Variants in ALKBH1 observed in about 807,000 individuals in gnomAD.
The protein encoded by ALKBH1 is alkB homolog 1, histone H2A dioxygenase, also known as nucleic acid dioxygenase ALKBH1.
Under a neutral mutation model 36.6 loss-of-function variants are expected in ALKBH1, and 31 were observed. The ratio of observed to expected loss-of-function variants is 0.85; its 90% CI spans 0.64 to 1.14. The LOEUF is 1.14. Among genes scored for constraint, ALKBH1 ranks in the 50% most tolerant of loss-of-function variants. The probability of loss-of-function intolerance (pLI) is 0.00; values close to 1 mark genes in which losing one functional copy is unlikely to be tolerated. For missense variants in ALKBH1, 490 were observed against 497.3 expected (o/e 0.99, Z 0.14); for synonymous variants, 183 against 186.6 (o/e 0.98, Z 0.16).
At chr14:77,701,175 T>C (rs1465105421) in intron 2 of ALKBH1, among the ~76,000 whole-genome samples, 1 of 152,114 alleles carries the variant, frequency 6.6e-6, no homozygotes, top group Non-Finnish European at 1.5e-5. Context: ...TCTCTATAAT[T>C]TTCAGTCATT....
intron 2 of ALKBH1, among the ~76,000 whole-genome samples, chr14:77,702,050 G>A (rs888452878): frequency 6.6e-6 from 1 of 152,200 alleles, no homozygotes; most frequent in Admixed American, 6.5e-5. Context: ...TGTAATCCCA[G>A]CACTCTGGGA....
At chr14:77,680,130 C>G (rs1410183137) in intron 3 of ALKBH1, among the ~76,000 whole-genome samples, 160 bp from the exon 4 acceptor site, 1 of 152,214 alleles carries the variant, frequency 6.6e-6, no homozygotes, top group Non-Finnish European at 1.5e-5. Flanking sequence ...ACCACAGATA[C>G]ATTAACAGAG....
chr14:77,706,641 T>C (rs1207562842), intron 1 of ALKBH1, among the ~76,000 whole-genome samples: 1 of 152,212 alleles, frequency 6.6e-6, no homozygotes, highest in East Asian at 1.9e-4. Flanking sequence ...ACATAATGGC[T>C]CATTCCCTGA....
intron 5 of ALKBH1, 117 bp downstream of exon 5, chr14:77,675,539 T>C (rs1595046148): frequency 1.2e-6 from 1 of 815,570 alleles, no homozygotes; most frequent in African/African-American, 1.7e-5. Flanking sequence ...AAGTGGAAGA[T>C]TATAGAGTCC....
rs560551732 is a variant in ALKBH1, at chr14:77,707,909, C to G, written c.96G>C (p.Gln32His). 15 of 1,613,452 alleles carry G rather than the reference C, an allele frequency of 9.3e-6. No homozygotes were observed. The highest frequency in any genetic ancestry group is 2.2e-5 in the South Asian group (2 of 91,072). ...AFRKLFRFYR[Q>H]SRPGTADLEG... ...CCAGGTCTGCGGTCCCGGGCCGGCT[C>G]TGACGGTAGAAGCGGAAAAGTTTCC... Residue 32 changes from glutamine (Q) to histidine (H), a missense_variant, in exon 1 of 6, where the codon CAG (glutamine) becomes CAC (histidine). By Grantham distance (24) the Gln-to-His change is conservative (BLOSUM62 0). Transcript: ENST00000216489.
intron 3 of ALKBH1, among the ~76,000 whole-genome samples, chr14:77,681,991 T>C (rs1007021646): frequency 5.9e-5 from 9 of 152,204 alleles, no homozygotes; most frequent in Admixed American, 1.3e-4. Context: ...CTTTGTATGC[T>C]TTCACTGTGA....
At chr14:77,686,278 G>A (rs917016225) in intron 3 of ALKBH1, among the ~76,000 whole-genome samples, 2 of 152,194 alleles carry the variant, frequency 1.3e-5, no homozygotes, top group Non-Finnish European at 2.9e-5. Context: ...AATCACTGAA[G>A]GGGGTGGGTT....
chr14:77,700,323 T>G (rs114744416), intron 2 of ALKBH1, among the ~76,000 whole-genome samples: 6 of 152,212 alleles, frequency 3.9e-5, no homozygotes, highest in Non-Finnish European at 7.3e-5. Context: ...CTTAGAGATA[T>G]TCAATGTGGA....
At chr14:77,675,923 C>A in intron 4 of ALKBH1, 74 bp from the exon 5 acceptor site, 1 of 1,208,328 alleles carries the variant, frequency 8.3e-7, no homozygotes. Flanking sequence ...AGATTAATTA[C>A]CACTTTAAAA....
At position 77,703,593 on chromosome 14, in the gene ALKBH1, CTTTTTTTTTTTTT is replaced by C. The variant is rs200488919; in HGVS notation, c.292+763_292+775del. Among the ~76,000 whole-genome samples the C allele has an allele frequency of 6.2e-5, 7 of 112,898 alleles. No individual in the cohort carries two copies. The South Asian group carries it at 2.0e-3, about 32-fold the overall frequency. 74.1% of individuals were successfully genotyped at this position (112,898 alleles called of 152,430 possible). A position where few individuals can be genotyped will look rare whatever the true frequency, so the allele number is the denominator to read the frequency against. On this transcript the variant is annotated intron_variant, in intron 2 of 5. Transcript: ENST00000216489. ...TACAGGCGTGAGCTACTGCGTCCAG[CTTTTTTTTTTTTT>C]TTTTTTTTGAGACAGAGTTTCCCCC...
intron 3 of ALKBH1, among the ~76,000 whole-genome samples, chr14:77,687,244 G>A (rs1566814065): frequency 6.6e-6 from 1 of 152,200 alleles, no homozygotes; most frequent in Non-Finnish European, 1.5e-5. Flanking sequence ...CCTGGTTTCA[G>A]AAGTGGTCCT....
intron 3 of ALKBH1, chr14:77,683,127 G>T (rs894807001): frequency 5.6e-6 from 3 of 534,930 alleles, no homozygotes; most frequent in Non-Finnish European, 6.6e-6. Context: ...GCTAAGTGAG[G>T]CATCACACCA....
At position 77,673,262 on chromosome 14, in the gene ALKBH1, C is replaced by T. The variant is rs534678103; in HGVS notation, c.*550G>A. 1 of 152,730 alleles carries T rather than the reference C, an allele frequency of 6.5e-6. No individual in the cohort carries two copies. Among genetic ancestry groups the T allele is most frequent in the Admixed American group, 6.5e-5 (1 of 15,362 alleles). 9.5% of individuals were successfully genotyped at this position (152,730 alleles called of 1,614,324 possible). A position where few individuals can be genotyped will look rare whatever the true frequency, so the allele number is the denominator to read the frequency against. On this transcript the variant is annotated 3_prime_UTR_variant, in exon 6 of 6. Transcript: ENST00000216489. ...TGTGATTAATTTCTTTTCTAAAAGA[C>T]AAGATTTTCCAGTTCCATTGTTTTC...
At chr14:77,704,840 T>C (rs192740031) in intron 1 of ALKBH1, among the ~76,000 whole-genome samples, 1 of 152,358 alleles carries the variant, frequency 6.6e-6, no homozygotes, top group East Asian at 1.9e-4. Flanking sequence ...CAGTTTCTCA[T>C]CTATATAGTA....
intron 1 of ALKBH1, among the ~76,000 whole-genome samples, chr14:77,705,900 CA>C (rs200725733): frequency 0.021 from 3,128 of 151,996 alleles, 48 homozygotes; most frequent in Non-Finnish European, 0.031. Flanking sequence ...ACTAAAAATA[CA>C]AAAATTAGCC....
chr14:77,690,710 G>T (rs1177272675), intron 3 of ALKBH1, among the ~76,000 whole-genome samples: 1 of 151,998 alleles, frequency 6.6e-6, no homozygotes, highest in Non-Finnish European at 1.5e-5. Flanking sequence ...TGTCACGTTA[G>T]ATTTACCTGG....
At chr14:77,679,812 G>T in intron 4 of ALKBH1, 68 bp downstream of exon 4, 1 of 1,181,618 alleles carries the variant, frequency 8.5e-7, no homozygotes, top group Non-Finnish European at 1.2e-6. Flanking sequence ...TGGTTAGGAA[G>T]AAATACAACT....
chr14:77,706,096 TACACACACAC>T (rs546244923), intron 1 of ALKBH1, among the ~76,000 whole-genome samples: 9 of 112,704 alleles, frequency 8.0e-5, no homozygotes, highest in African/African-American at 1.6e-4. Context: ...CACACATATA[TACACACACAC>T]ATATATATAT....
intron 1 of ALKBH1, among the ~76,000 whole-genome samples, chr14:77,707,520 G>C (rs2080401631): frequency 6.6e-6 from 1 of 152,016 alleles, no homozygotes; most frequent in South Asian, 2.1e-4. Flanking sequence ...ACGTTCTATG[G>C]GGTTTTACAA....
Sources: gnomAD v4.1 joint callset for allele counts (sites outside exome capture counted in the v4.1 genomes callset) on GRCh38, gnomAD v4.1.1 for gene constraint, MANE v1.5 for transcripts, NCBI Gene and HGNC (gene_info 2026-07-23, HGNC 2026-07-21) for gene names.